PPP1R16B: variants seen among roughly 807,000 people sequenced by gnomAD.
The protein encoded by PPP1R16B is protein phosphatase 1 regulatory inhibitor subunit 16B.
PPP1R16B carries 14 observed loss-of-function variants against 61.7 expected under a neutral mutation model. That is an observed-to-expected ratio of 0.23 (90% CI 0.15 to 0.35). The LOEUF is 0.35. Among genes scored for constraint, PPP1R16B ranks in the 10% least tolerant of loss-of-function variants. The pLI is 1.00. For missense variants in PPP1R16B, 547 were observed against 752.5 expected, an observed-to-expected ratio of 0.73 and a Z score of 3.19; for synonymous variants, 266 against 305.3, an observed-to-expected ratio of 0.87 and a Z score of 1.34.
intron 2 of PPP1R16B, among the ~76,000 whole-genome samples, chr20:38,846,930 A>G (rs2084938892): frequency 6.6e-6 from 1 of 152,230 alleles, no homozygotes; most frequent in African/African-American, 2.4e-5. Flanking sequence ...TTTTGAGCCC[A>G]GGAGGTCAAG....
intron 6 of PPP1R16B, among the ~76,000 whole-genome samples, chr20:38,903,713 G>A (rs2085417134): frequency 6.6e-6 from 1 of 152,104 alleles, no homozygotes; most frequent in Non-Finnish European, 1.5e-5. Flanking sequence ...GAGAACAATG[G>A]GACCTTCTTC....
intron 1 of PPP1R16B, among the ~76,000 whole-genome samples, chr20:38,808,998 A>C (rs1247591970): frequency 6.6e-6 from 1 of 151,586 alleles, no homozygotes; most frequent in African/African-American, 2.4e-5. Flanking sequence ...ACATGACTGC[A>C]CTCCAGCCTG....
intron 2 of PPP1R16B, among the ~76,000 whole-genome samples, chr20:38,858,728 T>G (rs1307638675): frequency 6.6e-6 from 1 of 152,146 alleles, no homozygotes; most frequent in East Asian, 1.9e-4. Context: ...CCCAGGAACT[T>G]GAAGCAAGTA....
At chr20:38,865,415 G>C (rs1224902281) in intron 2 of PPP1R16B, among the ~76,000 whole-genome samples, 1 of 151,538 alleles carries the variant, frequency 6.6e-6, no homozygotes, top group Non-Finnish European at 1.5e-5. Flanking sequence ...TCAGCCTTCC[G>C]AGTAGCTGGG....
chr20:38,899,478 A>G lies in PPP1R16B; in HGVS notation c.468-1103A>G, dbSNP rs571335550. Among the ~76,000 whole-genome samples the G allele has an allele frequency of 3.0e-4, 45 of 152,334 alleles. 1 individual carries two copies. In the South Asian group the frequency reaches 4.8e-3, roughly 16 times the overall value. ...GGAGGGCTGGAGTGAAGCCCACCCA[A>G]GATGCTGCATTTTATTCCCATGGTC... On this transcript the variant is annotated intron_variant, in intron 4 of 10. Transcript: ENST00000299824.
chr20:38,922,722 T>TG lies in PPP1R16B; in HGVS notation c.*4057dup, dbSNP rs1332967711. On this transcript the variant is annotated 3_prime_UTR_variant, in exon 11 of 11. Transcript: ENST00000299824. Reference sequence around the variant, plus strand: ...AACACTTAAAAAAATGTATTTTATGTGAAAAAAAATTAAAACTCTGTATAC... The same window carrying TG: ...AACACTTAAAAAAATGTATTTTATGTGGAAAAAAAATTAAAACTCTGTATAC... 3 of 152,712 alleles carry TG rather than the reference T, an allele frequency of 2.0e-5. No homozygotes were observed. Among genetic ancestry groups the TG allele is most frequent in the Admixed American group, 6.5e-5 (1 of 15,294 alleles). 9.5% of individuals were successfully genotyped at this position (152,712 alleles called of 1,614,324 possible).
chr20:38,862,211 G>T, intron 2 of PPP1R16B, among the ~76,000 whole-genome samples: 1 of 152,218 alleles, frequency 6.6e-6, no homozygotes, highest in East Asian at 1.9e-4. Context: ...TTAATGCCAG[G>T]TGACCAGTGA....
chr20:38,867,032 C>T (rs1264311164), intron 2 of PPP1R16B, among the ~76,000 whole-genome samples: 1 of 152,190 alleles, frequency 6.6e-6, no homozygotes, highest in Non-Finnish European at 1.5e-5. Context: ...TGGCTTCTTT[C>T]ACTTGGCGTA....
intron 10 of PPP1R16B, among the ~76,000 whole-genome samples, chr20:38,917,368 G>A (rs1488513379): frequency 1.3e-5 from 2 of 150,806 alleles, no homozygotes; most frequent in East Asian, 3.9e-4. Context: ...TGTAATATAT[G>A]TTGAAAATAT....
intron 1 of PPP1R16B, among the ~76,000 whole-genome samples, chr20:38,833,266 A>G (rs775179340): frequency 1.3e-5 from 2 of 152,196 alleles, no homozygotes; most frequent in Non-Finnish European, 2.9e-5. Flanking sequence ...AATTCTAGAG[A>G]TGGGGAACAG....
At chr20:38,813,216 G>A (rs1242606442) in intron 1 of PPP1R16B, among the ~76,000 whole-genome samples, 1 of 152,240 alleles carries the variant, frequency 6.6e-6, no homozygotes, top group Non-Finnish European at 1.5e-5. Context: ...GAGGATGCTT[G>A]GTCTCAAGGA....
chr20:38,862,630 A>G (rs1191056286), intron 2 of PPP1R16B, among the ~76,000 whole-genome samples: 5 of 152,230 alleles, frequency 3.3e-5, no homozygotes, highest in African/African-American at 9.6e-5. Context: ...GGGCCTCATC[A>G]TCCCGAGAAA....
chr20:38,858,099 G>A (rs1251744625), intron 2 of PPP1R16B, among the ~76,000 whole-genome samples: 1 of 152,144 alleles, frequency 6.6e-6, no homozygotes, highest in East Asian at 1.9e-4. Flanking sequence ...ACTCTCTGGT[G>A]TCTCTTTTAA....
intron 2 of PPP1R16B, among the ~76,000 whole-genome samples, chr20:38,888,862 A>C (rs1425404668): frequency 4.3e-5 from 6 of 138,266 alleles, no homozygotes; most frequent in East Asian, 2.1e-4. Context: ...CTCCCTGCCC[A>C]CCCAGAATCC....
In PPP1R16B at chr20:38,921,333, G is replaced by A. The variant is rs2085596109; in HGVS notation, c.*2667G>A. ...TTAATTCACTCACGTAATTTACTGA[G>A]TAGCTGCAACATGCCAGCCTCTACG... On this transcript the variant is annotated 3_prime_UTR_variant, in exon 11 of 11. Coordinates refer to ENST00000299824, the MANE Select transcript of PPP1R16B (RefSeq NM_015568.4). The A allele has an allele frequency of 6.6e-6, 1 of 152,236 alleles. No homozygotes were observed. Among genetic ancestry groups the A allele is most frequent in the Non-Finnish European group, 1.5e-5 (1 of 68,042 alleles). The allele number at this position is 152,236 out of a possible 1,614,324, so 9.4% of individuals were successfully genotyped here.
rs150226908 is a variant in PPP1R16B at position 38,898,601 on chromosome 20, G to A, written c.468-1980G>A. Reference sequence around the variant, plus strand: ...AAAATGGGTGGACCACTTGAGGTCAGGAGTTCGATACCAGTCTGGCCAACA... The same window carrying A: ...AAAATGGGTGGACCACTTGAGGTCAAGAGTTCGATACCAGTCTGGCCAACA... On this transcript the variant is annotated intron_variant, in intron 4 of 10. Coordinates refer to ENST00000299824, the MANE Select transcript of PPP1R16B (RefSeq NM_015568.4). Among the ~76,000 whole-genome samples, 1,094 of 152,280 alleles carry A rather than the reference G, an allele frequency of 7.2e-3. 10 individuals are homozygous for A. The highest frequency in any genetic ancestry group is 0.02 in the African/African-American group (828 of 41,536).
intron 2 of PPP1R16B, among the ~76,000 whole-genome samples, chr20:38,846,255 G>C (rs994527380): frequency 6.6e-6 from 1 of 152,210 alleles, no homozygotes; most frequent in Non-Finnish European, 1.5e-5. Flanking sequence ...TACTTGGGAA[G>C]TCATCAGCAT....
intron 2 of PPP1R16B, among the ~76,000 whole-genome samples, chr20:38,844,879 G>T (rs1568659992): frequency 6.6e-6 from 1 of 152,188 alleles, no homozygotes; most frequent in Non-Finnish European, 1.5e-5. Context: ...CCCTGAAAGA[G>T]TCTAGAGACC....
At chr20:38,850,356 C>T (rs191492812) in intron 2 of PPP1R16B, among the ~76,000 whole-genome samples, 28 of 152,206 alleles carry the variant, frequency 1.8e-4, no homozygotes, top group Admixed American at 1.8e-3. Flanking sequence ...ACCCACTCCC[C>T]CAAAAATATT....
Sources: gnomAD v4.1 joint callset for allele counts (sites outside exome capture counted in the v4.1 genomes callset) on GRCh38, gnomAD v4.1.1 for gene constraint, MANE v1.5 for transcripts, NCBI Gene and HGNC (gene_info 2026-07-23, HGNC 2026-07-21) for gene names.